The following RIPOR3 variants were observed in gnomAD, a reference collection of about 807,000 sequenced individuals.
RIPOR3 encodes RIPOR family member 3.
In RIPOR3, 95 loss-of-function variants were observed where a neutral mutation model predicts 114.3. The ratio of observed to expected loss-of-function variants is 0.83; its 90% CI spans 0.70 to 0.99. RIPOR3 has a LOEUF of 0.99. Ranked by LOEUF, RIPOR3 falls within the 50% of genes least tolerant of loss-of-function variation. The probability of loss-of-function intolerance (pLI) is 0.00; values close to 1 mark genes in which losing one functional copy is unlikely to be tolerated. For missense variants in RIPOR3, 1,252 were observed against 1,266.9 expected, an observed-to-expected ratio of 0.99 and a Z score of 0.18; for synonymous variants, 575 against 543.8, an observed-to-expected ratio of 1.06 and a Z score of -0.80.
intron 16 of RIPOR3, chr20:50,595,046 T>C: frequency 2.1e-6 from 1 of 485,490 alleles, no homozygotes; most frequent in Non-Finnish European, 3.7e-6. Flanking sequence ...CGGCACATTC[T>C]GCACCTTGAA....
chr20:50,596,230 C>T lies in RIPOR3; in HGVS notation c.1824G>A (p.Leu608=). ...CTGTGAGTTCCCTGGATGACGCTTT[C>T]AGTGATGACGGTGGGGGCAGGGGCC... is the stretch of plus-strand genomic sequence containing the variant. ...KDRPLPPPSS[L]KASSRELTAG... Residue 608 remains leucine, a synonymous_variant, in exon 15 of 22, where the codon CTG becomes CTA. Coordinates refer to ENST00000327979, the MANE Select transcript of RIPOR3 (RefSeq NM_001290268.2). 6.2e-7 allele frequency: 1 copy of T among 1,614,176 alleles called. No homozygotes were observed. The highest frequency in any genetic ancestry group is 8.5e-7 in the Non-Finnish European group (1 of 1,180,044).
Position 50,595,567 on chromosome 20 carries a change from G to A in RIPOR3, c.1915-63C>T, listed in dbSNP as rs573571053. 183 of 1,587,000 alleles carry A rather than the reference G, an allele frequency of 1.2e-4. No homozygotes were observed. The African/African-American group carries it at 1.6e-3, about 14-fold the overall frequency. On this transcript the variant is annotated intron_variant, in intron 15 of 21. Transcript: ENST00000327979. ...CATGCCCACCGAGGTCAGCTGTTAC[G>A]GCTGTGGCTCCCACCTGCTTGTGCC...
At chr20:50,598,390 G>C (rs1374290562) in intron 13 of RIPOR3, among the ~76,000 whole-genome samples, 2 of 152,054 alleles carry the variant, frequency 1.3e-5, no homozygotes, top group African/African-American at 4.8e-5. Flanking sequence ...TCTGGGGCTG[G>C]TTCCTGCCCC....
chr20:50,650,553 G>A (rs1402159495), intron 1 of RIPOR3, among the ~76,000 whole-genome samples: 4 of 152,046 alleles, frequency 2.6e-5, no homozygotes, highest in East Asian at 1.9e-4. Flanking sequence ...ATTTGCCCAC[G>A]TTGGCCTCCC....
At chr20:50,630,883 C>G (rs1157141830) in intron 1 of RIPOR3, 27 bp from the exon 2 acceptor site, 2 of 1,552,006 alleles carry the variant, frequency 1.3e-6, no homozygotes, top group Non-Finnish European at 1.8e-6. Context: ...GGAGAGTCAG[C>G]CTGGCATCAC....
rs745347480 is a variant in RIPOR3 at position 50,609,299 on chromosome 20, T to C, written c.634A>G (p.Met212Val). 6.2e-7 allele frequency: 1 copy of C among 1,613,808 alleles called. No individual in the cohort carries two copies. The highest frequency in any genetic ancestry group is 1.7e-5 in the Admixed American group (1 of 59,990). The part of the protein sequence containing the change: ...EVHLGEFHIR[M>V]KGLVGYARLC... ...CCCCTCTCAGCCCTGTTACCTTTCA[T>C]CCTGATGTGGAACTCGCCCAGGTGA... The change falls in exon 8 of 22, where the codon ATG becomes GTG. Residue 212 changes from methionine (M) to valine (V), a missense_variant. Coordinates refer to ENST00000327979, the MANE Select transcript of RIPOR3 (RefSeq NM_001290268.2).
rs766252665 is a variant in RIPOR3 at position 50,587,832 on chromosome 20, C to T, written c.2722G>A (p.Ala908Thr). ...LCQSDLEAVR[A>T]AARETTLSFG... is the part of the protein sequence containing the mutation. Reference sequence around the variant, plus strand: ...GACAGTGTGGTTTCCCGGGCTGCCGCCCGCACGGCCTCCAGGTCAGACTGG... The same window carrying T: ...GACAGTGTGGTTTCCCGGGCTGCCGTCCGCACGGCCTCCAGGTCAGACTGG... The change falls in exon 21 of 22, where the codon GCG becomes ACG. Residue 908 changes from alanine to threonine, a missense_variant. Transcript: ENST00000327979. 1.2e-6 allele frequency: 2 copies of T among 1,614,082 alleles called. No individual in the cohort carries two copies. The highest frequency in any genetic ancestry group is 2.7e-5 in the African/African-American group (2 of 74,958).
chr20:50,628,418 A>G (rs1252820077), intron 2 of RIPOR3, among the ~76,000 whole-genome samples: 1 of 151,936 alleles, frequency 6.6e-6, no homozygotes, highest in East Asian at 1.9e-4. Flanking sequence ...CCAGCCGCAC[A>G]CCTGCTTTCT....
intron 1 of RIPOR3, chr20:50,636,866 G>C (rs578095260): frequency 1.0e-6 from 1 of 985,308 alleles, no homozygotes; most frequent in African/African-American, 1.7e-5. Flanking sequence ...CTCATTTAGA[G>C]GTAAAACATC....
At chr20:50,683,454 CT>C (rs11392130) in intron 1 of RIPOR3, among the ~76,000 whole-genome samples, 5 of 145,664 alleles carry the variant, frequency 3.4e-5, no homozygotes, top group South Asian at 2.2e-4. Context: ...CTTACTTTTT[CT>C]TTTTTTTTTT....
At position 50,630,753 on chromosome 20, in the gene RIPOR3, T is replaced by A; in HGVS notation, c.107A>T (p.Gln36Leu). ...GGGAACTTACGCGATCCTCCGGCTCTGTGCACTGCTGAAGCCTGCGAAGGA... is the reference window on the plus strand; with the variant it reads ...GGGAACTTACGCGATCCTCCGGCTCAGTGCACTGCTGAAGCCTGCGAAGGA... The part of the protein sequence containing the change: ...SASFAGFSSA[Q>L]SRRIAKSINR... Residue 36 changes from glutamine (Q) to leucine (L), a missense_variant, in exon 2 of 22, where the codon CAG becomes CTG. Gln to Leu is a moderately radical substitution (Grantham distance 113). Coordinates refer to ENST00000327979, the MANE Select transcript of RIPOR3 (RefSeq NM_001290268.2). 1 of 1,611,176 alleles carries A rather than the reference T, an allele frequency of 6.2e-7. No homozygotes were observed. Among genetic ancestry groups the A allele is most frequent in the Non-Finnish European group, 8.5e-7 (1 of 1,179,014 alleles).
Position 50,595,499 on chromosome 20 carries a change from C to T in RIPOR3, c.1920G>A (p.Leu640=), listed in dbSNP as rs184314239. 1.2e-3 allele frequency: 1,966 copies of T among 1,613,902 alleles called. 5 individuals carry two copies. The highest frequency in any genetic ancestry group is 1.9e-3 in the South Asian group (169 of 91,082). The change falls in exon 16 of 22, where the codon CTG becomes CTA. Residue 640 remains leucine (L), a synonymous_variant. Coordinates refer to ENST00000327979, the MANE Select transcript of RIPOR3 (RefSeq NM_001290268.2). The part of the protein sequence containing the change: ...LQVCKALLQK[L]ASPNLSRLVQ... ...CCAGCCTTGATAAATTAGGGGAGGC[C>T]AGTTTCTGGGAAGCAGCCCAGATGC...
rs1437496450 is a variant in RIPOR3, at chr20:50,602,601, C to T, written c.1130G>A (p.Gly377Asp). ...QPTQQALLLG[G>D]PRATSILSYL... ...GCTGAGGATGGAGGTGGCCCTTGGG[C>T]CACCCAGCAGCAAGGCCTGCTGTGT... The change falls in exon 13 of 22, where the codon GGC becomes GAC. Residue 377 changes from glycine to aspartate, a missense_variant. Transcript: ENST00000327979. The surrounding 1 kb of genome is among the most constrained non-coding windows in gnomAD (Gnocchi z 4.3). 1.3e-6 allele frequency: 2 copies of T among 1,510,588 alleles called. No homozygotes were observed. The highest frequency in any genetic ancestry group is 1.3e-5 in the South Asian group (1 of 74,258). 93.6% of individuals were successfully genotyped at this position (1,510,588 alleles called of 1,614,324 possible).
Position 50,644,676 on chromosome 20 carries a change from CTTTTTTTTTTTTT to C in RIPOR3, c.4-13833_4-13821del, listed in dbSNP as rs61225138. 1.3e-4 allele frequency among the ~76,000 whole-genome samples: 10 copies of C among 74,582 alleles called. No individual in the cohort carries two copies. The Admixed American group carries it at 1.4e-3, about 11-fold the overall frequency. The allele number at this position is 74,582 out of a possible 152,430, so 48.9% of individuals were successfully genotyped here. ...TTTCTGTTTTGTTTTTTTTTGTTTG[CTTTTTTTTTTTTT>C]TTTTTTTTTTTTTGTAGAGACGGAG... is the stretch of plus-strand genomic sequence containing the variant. On this transcript the variant is annotated intron_variant, in intron 1 of 21. Transcript: ENST00000327979.
chr20:50,632,317 C>T (rs1196341309), intron 1 of RIPOR3, among the ~76,000 whole-genome samples: 1 of 152,182 alleles, frequency 6.6e-6, no homozygotes, highest in Non-Finnish European at 1.5e-5. Context: ...GAAAGAACCT[C>T]CCACGGAGAC....
At chr20:50,609,533 T>TTGCTGCCCC (rs1175718895) in intron 7 of RIPOR3, 40 bp downstream of exon 7, 8 of 1,428,356 alleles carry the variant, frequency 5.6e-6, no homozygotes, top group Non-Finnish European at 6.4e-6. Flanking sequence ...GGCCCAGCTC[T>TTGCTGCCCC]TGCTGCCCCT....
intron 1 of RIPOR3, among the ~76,000 whole-genome samples, chr20:50,666,181 C>CCTTTTCTTTTCTCTTTTCTTTT (rs1600720832): frequency 3.4e-4 from 5 of 14,922 alleles, no homozygotes; most frequent in African/African-American, 3.7e-4. Context: ...GAAAGGACAC[C>CCTTTTCTTTTCTCTTTTCTTTT]CATTTCTTTT....
chr20:50,630,869 G>A lies in RIPOR3; in HGVS notation c.4-13C>T. 1 of 1,579,400 alleles carries A rather than the reference G, an allele frequency of 6.3e-7. No individual in the cohort carries two copies. Among genetic ancestry groups the A allele is most frequent in the Non-Finnish European group, 8.6e-7 (1 of 1,161,422 alleles). ...ACATGGTGGTCACCTGCAAGGAGAG[G>A]ACAGGAGAGTCAGCCTGGCATCACC... is the stretch of plus-strand genomic sequence containing the variant. On this transcript the variant is annotated splice_polypyrimidine_tract_variant and intron_variant, in intron 1 of 21. Coordinates refer to ENST00000327979, the MANE Select transcript of RIPOR3 (RefSeq NM_001290268.2).
chr20:50,620,696 T>G, intron 2 of RIPOR3: 2 of 287,986 alleles, frequency 6.9e-6, no homozygotes, highest in Non-Finnish European at 1.3e-5. Context: ...GAGCCTAGAT[T>G]TGAGGATTAA....
Sources: gnomAD v4.1 joint callset for allele counts (sites outside exome capture counted in the v4.1 genomes callset) on GRCh38, gnomAD v4.1.1 for gene constraint, Gnocchi (gnomAD v3.1) non-coding constraint, MANE v1.5 for transcripts, NCBI Gene and HGNC (gene_info 2026-07-23, HGNC 2026-07-21) for gene names.